Variants in TTLL5 observed in about 807,000 individuals in gnomAD.
TTLL5 encodes the protein tubulin polyglutamylase TTLL5.
A neutral mutation model predicts 168.4 loss-of-function variants in TTLL5; 132 were observed. The observed-to-expected ratio is 0.78, with a 90% CI of 0.68 to 0.91. TTLL5 has a LOEUF of 0.91. Among genes scored for constraint, TTLL5 ranks in the 40% least tolerant of loss-of-function variants. TTLL5 has a pLI of 0.00. For missense variants in TTLL5, 1,545 were observed against 1,581.5 expected (o/e 0.98, Z 0.39); for synonymous variants, 546 against 558.6 (o/e 0.98, Z 0.32).
chr14:75,931,674 G>A (rs1566666202), intron 31 of TTLL5, among the ~76,000 whole-genome samples: 1 of 152,072 alleles, frequency 6.6e-6, no homozygotes, highest in African/African-American at 2.4e-5. Context: ...TAAGTGGATT[G>A]CCAAAGCCAG....
chr14:75,879,064 T>C (rs1255387797), intron 29 of TTLL5, among the ~76,000 whole-genome samples: 3 of 152,210 alleles, frequency 2.0e-5, no homozygotes, highest in African/African-American at 7.2e-5. Flanking sequence ...TAAGCACCTT[T>C]CTACTAGTCA....
chr14:75,777,630 TTAAAA>T (rs1891792738), intron 23 of TTLL5, among the ~76,000 whole-genome samples: 2 of 152,074 alleles, frequency 1.3e-5, no homozygotes, highest in East Asian at 1.9e-4. Context: ...TGCAAAACCA[TTAAAA>T]TAAAATAGGA....
At chr14:75,710,375 T>C (rs1175311403) in intron 9 of TTLL5, 1 of 148,844 alleles carries the variant, frequency 6.7e-6, no homozygotes, top group African/African-American at 2.5e-5. Flanking sequence ...ACCCTTTTGC[T>C]TCCAGCAGAA....
At position 75,923,463 on chromosome 14, in the gene TTLL5, A is replaced by G. The variant is rs546170292; in HGVS notation, c.3823+21239A>G. ...TCTTTATTTCTGCCTTCATTTTGTTATTTACCCAGTAGTCATTCAGGAGCA... is the reference window on the plus strand; with the variant it reads ...TCTTTATTTCTGCCTTCATTTTGTTGTTTACCCAGTAGTCATTCAGGAGCA... On this transcript the variant is annotated intron_variant, in intron 31 of 31. Transcript: ENST00000298832. Among the ~76,000 whole-genome samples the G allele has an allele frequency of 2.0e-4, 30 of 151,900 alleles. 1 individual carries two copies. In the East Asian group the frequency reaches 5.8e-3, roughly 29 times the overall value.
chr14:75,729,293 G>C (rs574185526), intron 12 of TTLL5, among the ~76,000 whole-genome samples: 1 of 152,230 alleles, frequency 6.6e-6, no homozygotes, highest in Non-Finnish European at 1.5e-5. Flanking sequence ...AGGAAAGTTG[G>C]TGTATCTCAT....
chr14:75,815,204 A>G (rs1436010985), intron 27 of TTLL5, among the ~76,000 whole-genome samples: 1 of 152,206 alleles, frequency 6.6e-6, no homozygotes, highest in Non-Finnish European at 1.5e-5. Flanking sequence ...AAGTCTAAGA[A>G]TAGAATATTT....
At chr14:75,710,111 A>G (rs1032337639) in intron 9 of TTLL5, 1 of 152,106 alleles carries the variant, frequency 6.6e-6, no homozygotes, top group African/African-American at 2.4e-5. Flanking sequence ...GAGAAAAGAG[A>G]TGGAGGTTGT....
intron 21 of TTLL5, among the ~76,000 whole-genome samples, chr14:75,773,963 G>GAGAGAA (rs1726495418): frequency 3.0e-4 from 21 of 69,494 alleles, no homozygotes; most frequent in Admixed American, 7.9e-4. Flanking sequence ...GAGAAAGAGA[G>GAGAGAA]AGAGAGAGAG....
In TTLL5 at chr14:75,779,613, A is replaced by G. The variant is rs771089264; in HGVS notation, c.2426A>G (p.Gln809Arg). The part of the protein sequence containing the change: ...ELEEVLTFYT[Q>R]KNKSASVFLG... ...GAGGAGGTGTTGACTTTTTATACCC[A>G]AAAGAACAAGTCTGCTAGTGTCTTC... Residue 809 changes from glutamine to arginine, a missense_variant, in exon 24 of 32, where the codon CAA (glutamine) becomes CGA (arginine). Physicochemically the swap from Gln to Arg is conservative, Grantham distance 43. Coordinates refer to ENST00000298832, the MANE Select transcript of TTLL5 (RefSeq NM_015072.5). 1.2e-6 allele frequency: 2 copies of G among 1,613,738 alleles called. No individual in the cohort carries two copies. Among genetic ancestry groups the G allele is most frequent in the Admixed American group, 3.3e-5 (2 of 59,950 alleles).
At chr14:75,934,761 A>G (rs180739511) in intron 31 of TTLL5, among the ~76,000 whole-genome samples, 42 of 152,336 alleles carry the variant, frequency 2.8e-4, no homozygotes, top group African/African-American at 9.4e-4. Flanking sequence ...ACTGAAGACA[A>G]TCTTGGCTGA....
chr14:75,870,408 TC>T (rs2030931297), intron 29 of TTLL5, among the ~76,000 whole-genome samples: 1 of 151,710 alleles, frequency 6.6e-6, no homozygotes, highest in African/African-American at 2.4e-5. Context: ...ACGCCCGGCC[TC>T]TCCTCAATTC....
intron 21 of TTLL5, among the ~76,000 whole-genome samples, chr14:75,773,772 C>T (rs554107711): frequency 1.3e-5 from 2 of 151,146 alleles, no homozygotes; most frequent in East Asian, 1.9e-4. Flanking sequence ...CACCTATAGT[C>T]CCAGCTACTT....
At chr14:75,858,220 G>A (rs1897232334) in intron 28 of TTLL5, among the ~76,000 whole-genome samples, 1 of 152,100 alleles carries the variant, frequency 6.6e-6, no homozygotes, top group South Asian at 2.1e-4. Context: ...GTTGACATTT[G>A]CACCGATGGT....
chr14:75,810,655 C>A (rs530430073), intron 27 of TTLL5, among the ~76,000 whole-genome samples: 16 of 152,350 alleles, frequency 1.1e-4, no homozygotes, highest in African/African-American at 3.8e-4. Context: ...ACATGAGCTA[C>A]TGTGCCTGAC....
chr14:75,722,507 G>A (rs1887906226), intron 12 of TTLL5, among the ~76,000 whole-genome samples: 1 of 152,000 alleles, frequency 6.6e-6, no homozygotes, highest in African/African-American at 2.4e-5. Flanking sequence ...ACATCATGAT[G>A]TTTTGTTTAT....
intron 31 of TTLL5, among the ~76,000 whole-genome samples, chr14:75,925,132 G>A (rs1345107736): frequency 6.7e-6 from 1 of 149,098 alleles, no homozygotes; most frequent in African/African-American, 2.5e-5. Context: ...CTGGCCGGGC[G>A]GGTGGCTGAC....
intron 31 of TTLL5, among the ~76,000 whole-genome samples, chr14:75,945,631 A>G (rs4903361): frequency 0.74 from 111,851 of 152,006 alleles, 41,402 homozygotes; most frequent in Admixed American, 0.81. Context: ...TTGGGAATGC[A>G]GCACAGAAAG....
intron 31 of TTLL5, among the ~76,000 whole-genome samples, chr14:75,902,871 A>G (rs1395769787): frequency 6.6e-6 from 1 of 152,270 alleles, no homozygotes; most frequent in African/African-American, 2.4e-5. Flanking sequence ...TCTAGAGAAA[A>G]TAACATGCTG....
intron 30 of TTLL5, among the ~76,000 whole-genome samples, chr14:75,884,339 T>C (rs1472867849): frequency 1.3e-5 from 2 of 152,210 alleles, no homozygotes; most frequent in African/African-American, 4.8e-5. Flanking sequence ...CTTGGTGGCC[T>C]GTGTGGCTAG....
Sources: gnomAD v4.1 joint callset for allele counts (sites outside exome capture counted in the v4.1 genomes callset) on GRCh38, gnomAD v4.1.1 for gene constraint, MANE v1.5 for transcripts, NCBI Gene and HGNC (gene_info 2026-07-23, HGNC 2026-07-21) for gene names.